TMEM131: variants seen among roughly 807,000 people sequenced by gnomAD.
TMEM131 encodes transmembrane protein 131.
In TMEM131, 66 loss-of-function variants were observed where a neutral mutation model predicts 211.6. That is an observed-to-expected ratio of 0.31 (90% CI 0.26 to 0.38). The LOEUF is 0.38. Ranked by LOEUF, TMEM131 falls within the 10% of genes least tolerant of loss-of-function variation. The pLI, the probability that TMEM131 is intolerant of heterozygous loss-of-function variation, is 1.00. For missense variants in TMEM131, 2,036 were observed against 2,299.3 expected (o/e 0.89, Z 2.34); for synonymous variants, 844 against 841.3 (o/e 1.00, Z -0.06).
intron 2 of TMEM131, among the ~76,000 whole-genome samples, chr2:97,913,736 G>C (rs540280489): frequency 6.6e-6 from 1 of 152,100 alleles, no homozygotes; most frequent in African/African-American, 2.4e-5. Context: ...TTGTGCACAC[G>C]GCATGGATGC....
chr2:97,909,835 A>G (rs553729958), intron 2 of TMEM131, among the ~76,000 whole-genome samples: 8 of 152,282 alleles, frequency 5.3e-5, no homozygotes, highest in African/African-American at 1.9e-4. Context: ...AAACACAGCA[A>G]AATGGTAATA....
intron 25 of TMEM131, among the ~76,000 whole-genome samples, chr2:97,801,217 G>C (rs1284344893): frequency 6.6e-6 from 1 of 152,228 alleles, no homozygotes; most frequent in African/African-American, 2.4e-5. Context: ...TTTGAATTTG[G>C]CCTTGGGCAG....
At chr2:97,758,871 A>C (rs1008970610) in intron 40 of TMEM131, 22 bp downstream of exon 40, 1 of 1,591,884 alleles carries the variant, frequency 6.3e-7, no homozygotes, top group Admixed American at 1.8e-5. Flanking sequence ...TCCAGGCCCC[A>C]GCCCCAGCCC....
intron 1 of TMEM131, among the ~76,000 whole-genome samples, chr2:97,955,823 T>A (rs1678542344): frequency 1.3e-5 from 2 of 152,064 alleles, no homozygotes; most frequent in Admixed American, 1.3e-4. Context: ...TACTAAAAAA[T>A]TTTAAATGCT....
chr2:97,811,167 C>T lies in TMEM131; in HGVS notation c.1929G>A (p.Gly643=), dbSNP rs754785775. 6.2e-7 allele frequency: 1 copy of T among 1,613,740 alleles called. No homozygotes were observed. Among genetic ancestry groups the T allele is most frequent in the Non-Finnish European group, 8.5e-7 (1 of 1,179,750 alleles). ...RVKLTAKKLE[G]IHDGAIQITT... ...TGATCTGGATGGCTCCATCATGAAT[C>T]CCCTCTAATTTTTTTGCAGTAAGTT... The change falls in exon 18 of 41, where the codon GGG becomes GGA. Residue 643 remains glycine, a synonymous_variant. Coordinates refer to ENST00000186436, the MANE Select transcript of TMEM131 (RefSeq NM_015348.2).
intron 3 of TMEM131, among the ~76,000 whole-genome samples, chr2:97,898,037 A>G (rs997585635): frequency 6.6e-6 from 1 of 152,056 alleles, no homozygotes; most frequent in African/African-American, 2.4e-5. Context: ...TGTTTATAAG[A>G]TCTGTAGTGA....
chr2:97,881,803 A>C (rs1173299672), intron 4 of TMEM131, among the ~76,000 whole-genome samples: 2 of 151,804 alleles, frequency 1.3e-5, no homozygotes, highest in African/African-American at 4.8e-5. Context: ...ACAGTATTCT[A>C]ATCTTTTTTC....
intron 1 of TMEM131, among the ~76,000 whole-genome samples, chr2:97,969,086 C>A (rs1351477424): frequency 2.0e-3 from 282 of 140,764 alleles, no homozygotes; most frequent in African/African-American, 2.3e-3. Context: ...GACTCTGTTT[C>A]AAAAAAAAAA....
chr2:97,799,686 G>A (rs1330036685), intron 25 of TMEM131, among the ~76,000 whole-genome samples: 1 of 152,190 alleles, frequency 6.6e-6, no homozygotes, highest in Non-Finnish European at 1.5e-5. Context: ...TTCATTTTTG[G>A]ATAGTGCATA....
In TMEM131 at chr2:97,775,987, T is replaced by C. The variant is rs1264944989; in HGVS notation, c.4176A>G (p.Lys1392=). The change falls in exon 32 of 41, where the codon AAA becomes AAG. Residue 1392 remains lysine, a synonymous_variant. Transcript: ENST00000186436. ...GKGKPLQRKV[K]PPKKQEEKEK... is the part of the protein sequence containing the mutation. ...CCTTTTCCTCTTGCTTCTTAGGTGG[T>C]TTCACCTTGCGCTGAAGAGGTTTTC... 6.2e-7 allele frequency: 1 copy of C among 1,613,994 alleles called. No homozygotes were observed. Among genetic ancestry groups the C allele is most frequent in the Admixed American group, 1.7e-5 (1 of 60,016 alleles).
At chr2:97,983,890 C>G (rs1024606084) in intron 1 of TMEM131, among the ~76,000 whole-genome samples, 2 of 152,174 alleles carry the variant, frequency 1.3e-5, no homozygotes, top group Non-Finnish European at 2.9e-5. Flanking sequence ...CTGTGGCAGT[C>G]AGCCACACAC....
chr2:97,763,391 T>G (rs1678969079), intron 35 of TMEM131: 1 of 152,782 alleles, frequency 6.5e-6, no homozygotes, highest in Non-Finnish European at 1.5e-5. Flanking sequence ...CCAGTGCTGC[T>G]GGTACTGGTG....
At chr2:97,906,462 C>A (rs953158323) in intron 3 of TMEM131, among the ~76,000 whole-genome samples, 1 of 152,178 alleles carries the variant, frequency 6.6e-6, no homozygotes, top group African/African-American at 2.4e-5. Context: ...CCACCCTTAT[C>A]TTGAATCTAG....
chr2:97,965,514 A>G (rs1026083682), intron 1 of TMEM131, among the ~76,000 whole-genome samples: 1 of 152,116 alleles, frequency 6.6e-6, no homozygotes, highest in Admixed American at 6.5e-5. Context: ...AACATTTTTA[A>G]AACAGGCACT....
At chr2:97,898,534 CAT>C (rs940012029) in intron 3 of TMEM131, among the ~76,000 whole-genome samples, 2 of 152,166 alleles carry the variant, frequency 1.3e-5, no homozygotes, top group Non-Finnish European at 2.9e-5. Context: ...CCCATGCACA[CAT>C]GTGCACAAAG....
chr2:97,850,418 T>C (rs980527055), intron 5 of TMEM131, among the ~76,000 whole-genome samples: 5 of 152,072 alleles, frequency 3.3e-5, no homozygotes, highest in Admixed American at 6.5e-5. Context: ...TCTGAATACA[T>C]ACCAGTGGTC....
intron 4 of TMEM131, 195 bp downstream of exon 4, chr2:97,887,857 T>C (rs1675224823): frequency 2.2e-6 from 1 of 461,960 alleles, no homozygotes. Context: ...CTTTAAAAGT[T>C]AATATTACAT....
intron 1 of TMEM131, among the ~76,000 whole-genome samples, chr2:97,955,972 A>G (rs1420270025): frequency 6.6e-6 from 1 of 152,222 alleles, no homozygotes; most frequent in Non-Finnish European, 1.5e-5. Context: ...TCATACACAC[A>G]AACTAGCTTA....
intron 35 of TMEM131, chr2:97,763,737 C>T (rs1369802219): frequency 1.3e-5 from 2 of 152,370 alleles, no homozygotes; most frequent in East Asian, 1.9e-4. Flanking sequence ...TGTGTGCGCT[C>T]GATCCTCCCG....
Sources: allele counts gnomAD v4.1 joint callset (sites outside exome capture counted in the v4.1 genomes callset), GRCh38; gene constraint gnomAD v4.1.1; transcripts MANE v1.5; gene names NCBI Gene and HGNC (gene_info 2026-07-23, HGNC 2026-07-21).